Variants in ADGRL4 observed in about 807,000 individuals in gnomAD.
ADGRL4 encodes adhesion G protein-coupled receptor L4.
Under a neutral mutation model 74.8 loss-of-function variants are expected in ADGRL4, and 90 were observed. That is an observed-to-expected ratio of 1.20 (90% CI 1.02 to 1.43). The LOEUF (loss-of-function observed/expected upper bound fraction) is 1.43, where lower values mean the gene tolerates loss of function less well. ADGRL4 is among the 40% of genes most tolerant of loss of function. ADGRL4 has a pLI of 0.00. For synonymous variants in ADGRL4, 311 were observed against 279.2 expected (o/e 1.11, Z -1.14); for missense variants, 881 against 814.3 (o/e 1.08, Z -1.00).
chr1:78,923,575 C>G (rs1033354689), intron 8 of ADGRL4, among the ~76,000 whole-genome samples: 6 of 151,702 alleles, frequency 4.0e-5, no homozygotes, highest in Non-Finnish European at 8.8e-5. Flanking sequence ...GACAGGGAAC[C>G]AAGATGAACA....
chr1:78,974,679 A>G (rs550899604), intron 2 of ADGRL4, among the ~76,000 whole-genome samples: 1 of 152,222 alleles, frequency 6.6e-6, no homozygotes, highest in South Asian at 2.1e-4. Flanking sequence ...AATCTATTTT[A>G]TTGACTTTTC....
chr1:78,901,797 C>T (rs1046002353), intron 12 of ADGRL4, among the ~76,000 whole-genome samples: 2 of 152,162 alleles, frequency 1.3e-5, no homozygotes, highest in Admixed American at 6.6e-5. Flanking sequence ...TCTCTGCTAA[C>T]ACCATGAGCC....
chr1:78,891,804 T>C (rs1648280664), intron 13 of ADGRL4, 112 bp from the exon 14 acceptor site: 1 of 872,722 alleles, frequency 1.1e-6, no homozygotes, highest in African/African-American at 1.7e-5. Flanking sequence ...AGAAACCTTT[T>C]ACAAATAGAC....
chr1:78,923,119 C>T (rs57178777), intron 8 of ADGRL4, among the ~76,000 whole-genome samples: 2,037 of 151,926 alleles, frequency 0.013, 48 homozygotes, highest in African/African-American at 0.047. Flanking sequence ...ATGAAGAAAA[C>T]TGAAATTCTT....
rs763809346 is a variant in ADGRL4 at position 78,969,641 on chromosome 1, A to C, written c.173-23215T>G. ...ACTCTTGCTGCACTTCATTCAAATA[A>C]TCAGGACAAGTATAAGACTAAAGTC... On this transcript the variant is annotated intron_variant, in intron 2 of 14. Coordinates refer to ENST00000370742, the MANE Select transcript of ADGRL4 (RefSeq NM_022159.4). Among the ~76,000 whole-genome samples the C allele has an allele frequency of 2.0e-5, 3 of 152,120 alleles. No individual in the cohort carries two copies. The South Asian group carries it at 6.2e-4, about 31-fold the overall frequency.
intron 2 of ADGRL4, among the ~76,000 whole-genome samples, chr1:78,949,817 C>T (rs1649685052): frequency 1.3e-5 from 2 of 151,960 alleles, no homozygotes; most frequent in South Asian, 4.1e-4. Flanking sequence ...TAAGATGTCC[C>T]TTGAAAAATT....
intron 2 of ADGRL4, among the ~76,000 whole-genome samples, chr1:78,999,655 A>G (rs1336430956): frequency 6.6e-6 from 1 of 152,180 alleles, no homozygotes; most frequent in African/African-American, 2.4e-5. Flanking sequence ...CAGAACAGGA[A>G]ATGTATGATG....
At chr1:78,916,548 T>C (rs1359089752) in intron 12 of ADGRL4, among the ~76,000 whole-genome samples, 2 of 151,936 alleles carry the variant, frequency 1.3e-5, no homozygotes, top group Non-Finnish European at 2.9e-5. Flanking sequence ...GTTTGATTTA[T>C]TGTGAGAATT....
intron 2 of ADGRL4, among the ~76,000 whole-genome samples, chr1:78,968,840 G>C (rs1000292984): frequency 6.6e-6 from 1 of 152,096 alleles, no homozygotes; most frequent in African/African-American, 2.4e-5. Context: ...TCAAAAGATG[G>C]CTTATAATAA....
Position 78,915,357 on chromosome 1 carries a change from G to A in ADGRL4, c.1749+2277C>T, listed in dbSNP as rs144092718. 1.2e-3 allele frequency among the ~76,000 whole-genome samples: 184 copies of A among 151,852 alleles called. 1 individual carries two copies. The highest frequency in any genetic ancestry group is 4.2e-3 in the African/African-American group (174 of 41,458). ...ATAATCTGGTATTCTTATATCCCGG[G>A]GACACATGAAAATTCTACAGTCATT... On this transcript the variant is annotated intron_variant, in intron 12 of 14. Transcript: ENST00000370742.
intron 12 of ADGRL4, among the ~76,000 whole-genome samples, chr1:78,900,714 T>C (rs74614461): frequency 0.038 from 5,856 of 152,190 alleles, 149 homozygotes; most frequent in South Asian, 0.067. Context: ...GTACTTGCTT[T>C]TCCTTCACTT....
At chr1:78,956,682 T>C (rs1471371917) in intron 2 of ADGRL4, among the ~76,000 whole-genome samples, 1 of 152,158 alleles carries the variant, frequency 6.6e-6, no homozygotes, top group Non-Finnish European at 1.5e-5. Context: ...CAACAGAGAA[T>C]TGAATTACCT....
intron 2 of ADGRL4, among the ~76,000 whole-genome samples, chr1:78,994,193 G>A (rs1262179526): frequency 6.6e-6 from 1 of 152,134 alleles, no homozygotes; most frequent in African/African-American, 2.4e-5. Flanking sequence ...CCAATGTAAA[G>A]TTTATGATAC....
chr1:78,964,955 A>G (rs563239872), intron 2 of ADGRL4, among the ~76,000 whole-genome samples: 17 of 152,256 alleles, frequency 1.1e-4, no homozygotes, highest in Admixed American at 2.6e-4. Flanking sequence ...TGATTATATT[A>G]ATTATCCAGC....
intron 3 of ADGRL4, among the ~76,000 whole-genome samples, chr1:78,942,719 A>G (rs2100692618): frequency 6.6e-6 from 1 of 152,262 alleles, no homozygotes; most frequent in Admixed American, 6.5e-5. Flanking sequence ...ACTTGATTCC[A>G]GGAGTTTGAG....
At chr1:78,982,593 T>C (rs1159277382) in intron 2 of ADGRL4, among the ~76,000 whole-genome samples, 1 of 151,902 alleles carries the variant, frequency 6.6e-6, no homozygotes, top group Non-Finnish European at 1.5e-5. Context: ...TTTATAAGTT[T>C]TGAATATCTA....
chr1:78,908,559 G>A (rs188824912), intron 12 of ADGRL4, among the ~76,000 whole-genome samples: 1 of 152,050 alleles, frequency 6.6e-6, no homozygotes, highest in East Asian at 1.9e-4. Context: ...TATTACAGAA[G>A]CTTCCATTAG....
intron 2 of ADGRL4, among the ~76,000 whole-genome samples, chr1:78,968,502 GT>G (rs61146250): frequency 0.23 from 27,778 of 120,926 alleles, 4,950 homozygotes; most frequent in East Asian, 0.28. Flanking sequence ...GTGGAGGGCG[GT>G]GGGGGGGTGG....
At chr1:78,960,458 A>G (rs1223055593) in intron 2 of ADGRL4, among the ~76,000 whole-genome samples, 2 of 152,152 alleles carry the variant, frequency 1.3e-5, no homozygotes, top group Admixed American at 6.6e-5. Flanking sequence ...TATAGCCCCG[A>G]CACTCTTATT....
Sources: allele counts gnomAD v4.1 joint callset (sites outside exome capture counted in the v4.1 genomes callset), GRCh38; gene constraint gnomAD v4.1.1; transcripts MANE v1.5; gene names NCBI Gene and HGNC (gene_info 2026-07-23, HGNC 2026-07-21).